KIF20B: variants seen among roughly 807,000 people sequenced by gnomAD.
KIF20B encodes kinesin-like protein KIF20B.
In KIF20B, 188 loss-of-function variants were observed where a neutral mutation model predicts 232.5. The ratio of observed to expected loss-of-function variants is 0.81; its 90% CI spans 0.72 to 0.91. The LOEUF (loss-of-function observed/expected upper bound fraction) is 0.91. Ranked by LOEUF, KIF20B falls within the 40% of genes least tolerant of loss-of-function variation. KIF20B has a pLI of 0.00. For synonymous variants in KIF20B, 712 were observed against 683.0 expected (o/e 1.04, Z -0.66); for missense variants, 2,154 against 2,055.9 (o/e 1.05, Z -0.92).
Position 89,752,710 on chromosome 10 carries a change from T to C in KIF20B, c.4347+19T>C. ...GTTACAGGTATGACTTTATGTATGT[T>C]TTTATGTATGAATGTATCTGTCTTC... On this transcript the variant is annotated intron_variant, in intron 25 of 32. Transcript: ENST00000371728. The C allele has an allele frequency of 1.3e-6, 2 of 1,499,070 alleles. No individual in the cohort carries two copies. The highest frequency in any genetic ancestry group is 2.7e-5 in the South Asian group (2 of 73,424). 92.9% of individuals were successfully genotyped at this position (1,499,070 alleles called of 1,614,324 possible). A position where few individuals can be genotyped will look rare whatever the true frequency, so the allele number is the denominator to read the frequency against.
At chr10:89,719,970 A>G (rs1843016476) in intron 13 of KIF20B, among the ~76,000 whole-genome samples, 1 of 152,230 alleles carries the variant, frequency 6.6e-6, no homozygotes, top group Non-Finnish European at 1.5e-5. Flanking sequence ...AGATCCAGAC[A>G]TAATGACACC....
chr10:89,771,006 A>C (rs1190135162), intron 31 of KIF20B, among the ~76,000 whole-genome samples: 3 of 152,004 alleles, frequency 2.0e-5, no homozygotes, highest in African/African-American at 7.2e-5. Context: ...CTAACTTCTG[A>C]CAGTTCCTAG....
intron 23 of KIF20B, among the ~76,000 whole-genome samples, chr10:89,746,175 A>G (rs1841905639): frequency 6.6e-6 from 1 of 152,188 alleles, no homozygotes. Context: ...GGCGTGTTCT[A>G]CAGGGTGTTT....
intron 21 of KIF20B, among the ~76,000 whole-genome samples, chr10:89,743,421 G>A (rs1013933593): frequency 6.6e-6 from 1 of 151,840 alleles, no homozygotes; most frequent in African/African-American, 2.4e-5. Context: ...TTGTATTCCT[G>A]GATTATATTA....
intron 29 of KIF20B, among the ~76,000 whole-genome samples, chr10:89,765,616 C>T (rs576123588): frequency 2.4e-4 from 37 of 152,040 alleles, no homozygotes; most frequent in Non-Finnish European, 4.0e-4. Flanking sequence ...GGAGGCATCA[C>T]GCTACCTGAC....
chr10:89,722,561 C>T (rs968771321), intron 13 of KIF20B, among the ~76,000 whole-genome samples: 16 of 151,870 alleles, frequency 1.1e-4, no homozygotes, highest in Admixed American at 9.2e-4. Flanking sequence ...CCCAGCTACT[C>T]GGGAGGTTGA....
At chr10:89,712,004 T>G (rs967043343) in intron 6 of KIF20B, among the ~76,000 whole-genome samples, 4 of 152,120 alleles carry the variant, frequency 2.6e-5, no homozygotes, top group Non-Finnish European at 5.9e-5. Context: ...GAAAAATGGC[T>G]CACTTGAGCC....
chr10:89,727,431 C>G (rs1278752086), intron 16 of KIF20B, among the ~76,000 whole-genome samples: 2 of 152,078 alleles, frequency 1.3e-5, no homozygotes, highest in African/African-American at 4.8e-5. Context: ...ATTTTATATA[C>G]ATAAATAGAA....
intron 19 of KIF20B, among the ~76,000 whole-genome samples, chr10:89,733,503 G>T (rs995958008): frequency 1.3e-5 from 2 of 152,130 alleles, no homozygotes; most frequent in African/African-American, 4.8e-5. Flanking sequence ...CCAGGAGACA[G>T]TCTGATGAAA....
At position 89,710,376 on chromosome 10, in the gene KIF20B, T is replaced by C. The variant is rs140071720; in HGVS notation, c.490+311T>C. Among the ~76,000 whole-genome samples the C allele has an allele frequency of 3.2e-3, 480 of 152,094 alleles. 4 individuals are homozygous for C. Among genetic ancestry groups the C allele is most frequent in the African/African-American group, 0.011 (447 of 41,472 alleles). On this transcript the variant is annotated intron_variant, in intron 5 of 32. Coordinates refer to ENST00000371728, the MANE Select transcript of KIF20B (RefSeq NM_001284259.2). ...TCCCAAGTAGCTGGGACTACAGGCG[T>C]GCGCCACCATGCCAAGCTAGTTTTT...
chr10:89,710,950 T>G lies in KIF20B; in HGVS notation c.491-11T>G. Reference sequence around the variant, plus strand: ...GACTGAGAGAGTATAACACAAAAATTCCTTTTGCAGGGACAGAAGAAAATA... The same window carrying G: ...GACTGAGAGAGTATAACACAAAAATGCCTTTTGCAGGGACAGAAGAAAATA... On this transcript the variant is annotated splice_polypyrimidine_tract_variant and intron_variant, in intron 5 of 32. Coordinates refer to ENST00000371728, the MANE Select transcript of KIF20B (RefSeq NM_001284259.2). The G allele has an allele frequency of 1.3e-6, 2 of 1,596,344 alleles. No individual in the cohort carries two copies. The highest frequency in any genetic ancestry group is 1.7e-6 in the Non-Finnish European group (2 of 1,174,950).
chr10:89,704,894 A>C (rs1047805007), intron 1 of KIF20B, among the ~76,000 whole-genome samples: 18 of 152,224 alleles, frequency 1.2e-4, no homozygotes, highest in African/African-American at 4.3e-4. Flanking sequence ...GCTAAAACAA[A>C]GTCTGTAAGT....
At position 89,716,418 on chromosome 10, in the gene KIF20B, C is replaced by T. The variant is rs1842935045; in HGVS notation, c.941-18C>T. ...TTTGTCTCAATAAATTAATATATAT[C>T]CTCTTTATTTTTTAAAGATCTACAA... On this transcript the variant is annotated intron_variant, in intron 8 of 32. Transcript: ENST00000371728. 4.9e-6 allele frequency: 5 copies of T among 1,022,160 alleles called. No individual in the cohort carries two copies. Among genetic ancestry groups the T allele is most frequent in the Admixed American group, 2.3e-5 (1 of 43,746 alleles). 63.3% of individuals were successfully genotyped at this position (1,022,160 alleles called of 1,614,324 possible).
intron 30 of KIF20B, 76 bp downstream of exon 30, chr10:89,768,467 T>C: frequency 1.1e-6 from 1 of 910,826 alleles, no homozygotes; most frequent in South Asian, 1.6e-5. Context: ...CTCATTTATC[T>C]TCTCTTTCCT....
chr10:89,764,781 A>C (rs1038618008), intron 29 of KIF20B, among the ~76,000 whole-genome samples: 19 of 151,676 alleles, frequency 1.3e-4, no homozygotes, highest in Admixed American at 1.2e-3. Context: ...AGTTCATTGT[A>C]GATTCTGGAT....
intron 14 of KIF20B, 151 bp downstream of exon 14, chr10:89,724,254 C>G (rs887987105): frequency 1.3e-6 from 1 of 767,318 alleles, no homozygotes. Flanking sequence ...TGGTCTGGTG[C>G]GGTGGCTCAC....
chr10:89,763,147 G>T (rs887018152), intron 29 of KIF20B, among the ~76,000 whole-genome samples: 1 of 152,028 alleles, frequency 6.6e-6, no homozygotes, highest in South Asian at 2.1e-4. Flanking sequence ...CAGGAGTGGT[G>T]GTGCACACCT....
At chr10:89,726,238 T>C in intron 15 of KIF20B, 55 bp from the exon 16 acceptor site, 1 of 1,456,980 alleles carries the variant, frequency 6.9e-7, no homozygotes, top group South Asian at 1.5e-5. Context: ...TGGTACCACA[T>C]GTAAAGGGTG....
chr10:89,745,867 T>G (rs755962018), intron 22 of KIF20B, 32 bp from the exon 23 acceptor site: 6 of 1,413,938 alleles, frequency 4.2e-6, no homozygotes, highest in Middle Eastern at 1.8e-4. Context: ...TTAAGTTAAT[T>G]TGCAATTAAT....
Sources: allele counts gnomAD v4.1 joint callset (sites outside exome capture counted in the v4.1 genomes callset), GRCh38; gene constraint gnomAD v4.1.1; transcripts MANE v1.5; gene names NCBI Gene and HGNC (gene_info 2026-07-23, HGNC 2026-07-21).